Variants in VMP1 observed in about 807,000 individuals in gnomAD.
VMP1 encodes the protein ectopic P-granules autophagy protein 3 homolog.
In VMP1, 11 loss-of-function variants were observed where a neutral mutation model predicts 56.0. That is an observed-to-expected ratio of 0.20 (90% CI 0.12 to 0.32). VMP1 has a LOEUF of 0.32. Among genes scored for constraint, VMP1 ranks in the 10% least tolerant of loss-of-function variants. The probability of loss-of-function intolerance (pLI) is 1.00; values close to 1 mark genes in which losing one functional copy is unlikely to be tolerated. For missense variants in VMP1, 296 were observed against 490.3 expected (o/e 0.60, Z 3.74); for synonymous variants, 149 against 165.0 (o/e 0.90, Z 0.74).
chr17:59,824,459 G>A (rs1341358587), intron 10 of VMP1, among the ~76,000 whole-genome samples: 1 of 150,874 alleles, frequency 6.6e-6, no homozygotes, highest in Non-Finnish European at 1.5e-5. Flanking sequence ...TATAATCCCA[G>A]CTACTCGGGA....
intron 10 of VMP1, among the ~76,000 whole-genome samples, chr17:59,832,139 A>G (rs1472672580): frequency 1.3e-5 from 2 of 150,016 alleles, no homozygotes; most frequent in Admixed American, 6.7e-5. Context: ...TTTTCTACCC[A>G]CTGTGTTCAA....
At chr17:59,740,782 C>T (rs1282634009) in intron 5 of VMP1, among the ~76,000 whole-genome samples, 1 of 152,168 alleles carries the variant, frequency 6.6e-6, no homozygotes, top group South Asian at 2.1e-4. Context: ...TTACAGGATA[C>T]TTTTCTGTTC....
rs541006282 is a variant in VMP1, at chr17:59,751,903, C to T, written c.414+12956C>T. On this transcript the variant is annotated intron_variant, in intron 5 of 11. Transcript: ENST00000262291. ...GAATATGGCCCGCTGTAGCCTCAGC[C>T]TCCTGGGCTCAAGAGATCTTCCCAC... Among the ~76,000 whole-genome samples the T allele has an allele frequency of 9.2e-5, 14 of 152,162 alleles. No individual in the cohort carries two copies. In the South Asian group the frequency reaches 2.7e-3, roughly 29 times the overall value.
chr17:59,739,026 T>C (rs2035115558), intron 5 of VMP1, 79 bp downstream of exon 5: 1 of 1,170,096 alleles, frequency 8.5e-7, no homozygotes, highest in Non-Finnish European at 1.2e-6. Flanking sequence ...GAAGTAAAAA[T>C]TCTAAGATTT....
At chr17:59,748,816 T>A (rs1412074190) in intron 5 of VMP1, among the ~76,000 whole-genome samples, 1 of 150,768 alleles carries the variant, frequency 6.6e-6, no homozygotes, top group East Asian at 1.9e-4. Context: ...TTTCCAACAA[T>A]GATGACTAGG....
intron 6 of VMP1, among the ~76,000 whole-genome samples, chr17:59,767,453 T>C (rs988791842): frequency 6.6e-6 from 1 of 152,214 alleles, no homozygotes; most frequent in Admixed American, 6.5e-5. Flanking sequence ...GCTTTATAAA[T>C]TTGATGACAT....
At chr17:59,832,012 A>T (rs1295926) in intron 10 of VMP1, among the ~76,000 whole-genome samples, 1 of 151,440 alleles carries the variant, frequency 6.6e-6, no homozygotes, top group African/African-American at 2.4e-5. Flanking sequence ...CCTCCAGATT[A>T]GCTGGGACTA....
intron 1 of VMP1, among the ~76,000 whole-genome samples, chr17:59,717,936 A>G (rs2034231416): frequency 6.6e-6 from 1 of 152,092 alleles, no homozygotes; most frequent in South Asian, 2.1e-4. Context: ...AAAAGAAAAA[A>G]AAAAATCAGA....
intron 10 of VMP1, among the ~76,000 whole-genome samples, chr17:59,822,914 C>T (rs2038503515): frequency 6.6e-6 from 1 of 152,018 alleles, no homozygotes; most frequent in Non-Finnish European, 1.5e-5. Context: ...CTGTCTGTCT[C>T]TACAAAAAAA....
intron 10 of VMP1, among the ~76,000 whole-genome samples, chr17:59,834,403 T>A (rs115967235): frequency 6.6e-6 from 1 of 152,132 alleles, no homozygotes; most frequent in Non-Finnish European, 1.5e-5. Context: ...TAGCTGAGAT[T>A]ACAGGCATGT....
chr17:59,760,767 C>T (rs758005658), intron 5 of VMP1, among the ~76,000 whole-genome samples: 13 of 152,084 alleles, frequency 8.5e-5, no homozygotes, highest in East Asian at 5.8e-4. Context: ...ATTACAGGTG[C>T]GCACCACCAT....
At chr17:59,759,647 T>TA (rs2035970163) in intron 5 of VMP1, among the ~76,000 whole-genome samples, 1 of 152,158 alleles carries the variant, frequency 6.6e-6, no homozygotes, top group South Asian at 2.1e-4. Context: ...CCCATTTCTT[T>TA]ACTCTTTCTT....
At chr17:59,737,328 G>A in intron 3 of VMP1, 125 bp from the exon 4 acceptor site, 1 of 818,442 alleles carries the variant, frequency 1.2e-6, no homozygotes, top group Non-Finnish European at 1.8e-6. Flanking sequence ...GCCATGATGT[G>A]TAAGGAAAAG....
Position 59,839,979 on chromosome 17 carries a change from G to C in VMP1, c.*68G>C, listed in dbSNP as rs1568246013. 5 of 1,569,256 alleles carry C rather than the reference G, an allele frequency of 3.2e-6. No homozygotes were observed. Among genetic ancestry groups the C allele is most frequent in the Admixed American group, 2.2e-5 (1 of 45,088 alleles). On this transcript the variant is annotated 3_prime_UTR_variant, in exon 12 of 12. Transcript: ENST00000262291. ...CTGCCTTAAATTGGGAGGACTCCAA[G>C]CCGGGAAGGAAAATTCCCTTTTCCA...
At chr17:59,804,386 G>C (rs929058807) in intron 7 of VMP1, among the ~76,000 whole-genome samples, 5 of 152,036 alleles carry the variant, frequency 3.3e-5, no homozygotes, top group African/African-American at 1.2e-4. Context: ...GGCTGAGGCG[G>C]GTGGATCGCC....
intron 4 of VMP1, among the ~76,000 whole-genome samples, chr17:59,737,811 C>T (rs908709400): frequency 6.6e-6 from 1 of 151,932 alleles, no homozygotes; most frequent in African/African-American, 2.4e-5. Flanking sequence ...GCTCTGTCAC[C>T]CAGGTTGGAG....
intron 1 of VMP1, among the ~76,000 whole-genome samples, chr17:59,727,691 G>C: frequency 6.6e-6 from 1 of 152,170 alleles, no homozygotes; most frequent in East Asian, 1.9e-4. Context: ...AATGAGGCAT[G>C]TGCTGTGAAG....
intron 7 of VMP1, chr17:59,785,173 G>A (rs1403278343): frequency 2.0e-5 from 3 of 152,094 alleles, no homozygotes; most frequent in Non-Finnish European, 2.9e-5. Context: ...GAGTAGAAAC[G>A]TTGTGGTACA....
rs138893353 is a variant in VMP1 at position 59,745,873 on chromosome 17, A to T, written c.414+6926A>T. ...ACTAATTTTAACAGAAAAAAATGTA[A>T]TTCATTATTTATTATGGCTCTCTTT... On this transcript the variant is annotated intron_variant, in intron 5 of 11. Transcript: ENST00000262291. Among the ~76,000 whole-genome samples, 107 of 152,342 alleles carry T rather than the reference A, an allele frequency of 7.0e-4. No homozygotes were observed. In the Middle Eastern group the frequency reaches 0.01, roughly 15 times the overall value.
Sources: gnomAD v4.1 joint callset for allele counts (sites outside exome capture counted in the v4.1 genomes callset) on GRCh38, gnomAD v4.1.1 for gene constraint, MANE v1.5 for transcripts, NCBI Gene and HGNC (gene_info 2026-07-23, HGNC 2026-07-21) for gene names.